The following CBFA2T3 variants were observed in gnomAD, a reference collection of about 807,000 sequenced individuals.
CBFA2T3 encodes the protein CBFA2/RUNX1 partner transcriptional co-repressor 3.
A neutral mutation model predicts 58.6 loss-of-function variants in CBFA2T3; 31 were observed. The observed-to-expected ratio is 0.53, with a 90% CI of 0.40 to 0.71. The LOEUF is 0.71. Ranked by LOEUF, CBFA2T3 falls within the 30% of genes least tolerant of loss-of-function variation. CBFA2T3 has a pLI of 0.00. For missense variants in CBFA2T3, 1,076 were observed against 963.1 expected, an observed-to-expected ratio of 1.12 and a Z score of -1.55; for synonymous variants, 531 against 421.9, an observed-to-expected ratio of 1.26 and a Z score of -3.17.
intron 1 of CBFA2T3, among the ~76,000 whole-genome samples, chr16:88,904,125 C>T (rs772295503): frequency 2.0e-5 from 3 of 152,246 alleles, no homozygotes; most frequent in Non-Finnish European, 2.9e-5. Flanking sequence ...CCACCACCTG[C>T]GTGCTCGTGA....
At chr16:88,976,184 G>A (rs1041928788) in intron 1 of CBFA2T3, among the ~76,000 whole-genome samples, 3 of 152,208 alleles carry the variant, frequency 2.0e-5, no homozygotes, top group African/African-American at 4.8e-5. Context: ...AGGGGCCCAG[G>A]GTTGGGTCCA....
intron 1 of CBFA2T3, among the ~76,000 whole-genome samples, chr16:88,968,621 C>CAGA (rs1972573969): frequency 1.3e-5 from 2 of 152,332 alleles, no homozygotes; most frequent in African/African-American, 4.8e-5. Context: ...GTTGGAGGGG[C>CAGA]AGAAGCAGCT....
chr16:88,940,596 C>CGGGCAGGAGGGAGAG (rs1971684407), intron 1 of CBFA2T3, among the ~76,000 whole-genome samples: 1 of 152,172 alleles, frequency 6.6e-6, no homozygotes, highest in Non-Finnish European at 1.5e-5. Context: ...GCCGGGGACC[C>CGGGCAGGAGGGAGAG]GGGCAGGAGG....
chr16:88,935,132 G>T (rs1971455390), intron 1 of CBFA2T3, among the ~76,000 whole-genome samples: 1 of 152,206 alleles, frequency 6.6e-6, no homozygotes, highest in African/African-American at 2.4e-5. Context: ...AGCACCCAAG[G>T]CCCCTGTTCT....
chr16:88,930,331 C>T (rs1340588556), intron 1 of CBFA2T3, among the ~76,000 whole-genome samples: 1 of 150,548 alleles, frequency 6.6e-6, no homozygotes, highest in South Asian at 2.1e-4. Flanking sequence ...GCTACCAATA[C>T]CCACAGCTGC....
chr16:88,927,522 C>G (rs915288588), intron 1 of CBFA2T3, among the ~76,000 whole-genome samples: 1 of 152,220 alleles, frequency 6.6e-6, no homozygotes, highest in Non-Finnish European at 1.5e-5. Context: ...TTCATGAGGT[C>G]AGAGCTGGGC....
In CBFA2T3 at chr16:88,927,319, C is replaced by T. The variant is rs867146739; in HGVS notation, c.152-25663G>A. On this transcript the variant is annotated intron_variant, in intron 1 of 11. Transcript: ENST00000268679. ...CTTCCCCAGGCAGCACTGATGCCCCCGCTGAGGTGAGGCCGCTGGGCCCCA... is the reference window on the plus strand; with the variant it reads ...CTTCCCCAGGCAGCACTGATGCCCCTGCTGAGGTGAGGCCGCTGGGCCCCA... Among the ~76,000 whole-genome samples the T allele has an allele frequency of 1.1e-4, 16 of 152,348 alleles. No individual in the cohort carries two copies. In the East Asian group the frequency reaches 1.7e-3, roughly 17 times the overall value.
intron 1 of CBFA2T3, among the ~76,000 whole-genome samples, chr16:88,945,245 C>G (rs866803632): frequency 6.6e-6 from 1 of 152,192 alleles, no homozygotes; most frequent in East Asian, 1.9e-4. Context: ...ACTCAGCTCC[C>G]TACCTAGAAC....
intron 1 of CBFA2T3, among the ~76,000 whole-genome samples, chr16:88,934,242 C>G (rs377683980): frequency 6.8e-6 from 1 of 148,104 alleles, no homozygotes; most frequent in African/African-American, 2.6e-5. Flanking sequence ...TGCCCCTCGG[C>G]ACATGGAGGC....
At chr16:88,965,395 T>C (rs1225761572) in intron 1 of CBFA2T3, among the ~76,000 whole-genome samples, 1 of 152,262 alleles carries the variant, frequency 6.6e-6, no homozygotes, top group Non-Finnish European at 1.5e-5. Flanking sequence ...TGAGACTGTT[T>C]AATCAATGTT....
chr16:88,958,297 T>A lies in CBFA2T3; in HGVS notation c.151+18360A>T, dbSNP rs1245151020. On this transcript the variant is annotated intron_variant, in intron 1 of 11. Transcript: ENST00000268679. The surrounding 1 kb of genome is among the most constrained non-coding windows in gnomAD (Gnocchi z 4.0). ...AGCTTTGAGCTTCCTCAAAAAGCTA[T>A]TTTGAGCCTAAAATAGCTTCAAGAG... is the stretch of plus-strand genomic sequence containing the variant. Among the ~76,000 whole-genome samples, 1 of 151,620 alleles carries A rather than the reference T, an allele frequency of 6.6e-6. No individual in the cohort carries two copies. Among genetic ancestry groups the A allele is most frequent in the African/African-American group, 2.4e-5 (1 of 41,316 alleles).
chr16:88,921,614 G>T (rs1385121926), intron 1 of CBFA2T3, among the ~76,000 whole-genome samples: 7 of 150,580 alleles, frequency 4.6e-5, no homozygotes, highest in Admixed American at 3.3e-4. Flanking sequence ...GAGGGGGGGC[G>T]GTTGGGGGGA....
At chr16:88,897,186 G>C (rs1969919786) in intron 3 of CBFA2T3, among the ~76,000 whole-genome samples, 3 of 152,260 alleles carry the variant, frequency 2.0e-5, no homozygotes, top group South Asian at 4.1e-4. Context: ...AGATCACAGA[G>C]TGGATGACAA....
rs1183522344 is a variant in CBFA2T3 at position 88,958,780 on chromosome 16, C to T, written c.151+17877G>A. On this transcript the variant is annotated intron_variant, in intron 1 of 11. Coordinates refer to ENST00000268679, the MANE Select transcript of CBFA2T3 (RefSeq NM_005187.6). This position sits in a 1 kb window ranked among gnomAD's most constrained non-coding sequence, Gnocchi z 4.0. ...AGGGCCTCAGCGTAGCCCAGGTCTG[C>T]GCTGGCTCTGGGCTCTTCCCGCTGC... Among the ~76,000 whole-genome samples the T allele has an allele frequency of 3.3e-5, 5 of 152,184 alleles. No individual in the cohort carries two copies. The highest frequency in any genetic ancestry group is 3.9e-4 in the East Asian group (2 of 5,162).
intron 1 of CBFA2T3, among the ~76,000 whole-genome samples, chr16:88,911,766 T>A (rs2142702232): frequency 6.6e-6 from 1 of 152,364 alleles, no homozygotes; most frequent in Admixed American, 6.5e-5. Flanking sequence ...GTGGAGCTGG[T>A]GCAGGTGGGG....
At chr16:88,925,994 T>C (rs1013436352) in intron 1 of CBFA2T3, among the ~76,000 whole-genome samples, 2 of 152,206 alleles carry the variant, frequency 1.3e-5, no homozygotes, top group African/African-American at 4.8e-5. Flanking sequence ...AGCCTCGAAC[T>C]GGCACCATCT....
rs940264821 is a variant in CBFA2T3 at position 88,906,443 on chromosome 16, C to A, written c.152-4787G>T. Among the ~76,000 whole-genome samples the A allele has an allele frequency of 6.6e-5, 10 of 150,560 alleles. No individual in the cohort carries two copies. In the East Asian group the frequency reaches 1.9e-3, roughly 29 times the overall value. Reference sequence around the variant, plus strand: ...TTGCTGACCCTGCTCCCCGCTCCAGCCGCAAGACGGCCCCGTCCAGACACA... The same window carrying A: ...TTGCTGACCCTGCTCCCCGCTCCAGACGCAAGACGGCCCCGTCCAGACACA... On this transcript the variant is annotated intron_variant, in intron 1 of 11. Transcript: ENST00000268679.
chr16:88,949,256 C>A lies in CBFA2T3; in HGVS notation c.151+27401G>T, dbSNP rs377428720. On this transcript the variant is annotated intron_variant, in intron 1 of 11. Coordinates refer to ENST00000268679, the MANE Select transcript of CBFA2T3 (RefSeq NM_005187.6). ...CATGTCCTGAAAGAGACAGGGGACC[C>A]CGATAAGAGATGGGTTGGGAGGCCG... 5.3e-4 allele frequency among the ~76,000 whole-genome samples: 80 copies of A among 152,270 alleles called. No individual in the cohort carries two copies. The East Asian group carries it at 0.013, about 24-fold the overall frequency.
In CBFA2T3 at chr16:88,901,650, A is replaced by G; in HGVS notation, c.158T>C (p.Val53Ala). The G allele has an allele frequency of 1.3e-6, 2 of 1,528,578 alleles. No individual in the cohort carries two copies. Among genetic ancestry groups the G allele is most frequent in the Non-Finnish European group, 8.7e-7 (1 of 1,149,754 alleles). 94.7% of individuals were successfully genotyped at this position (1,528,578 alleles called of 1,614,324 possible). ...RGPRKGGPAP[V>A]DRKAKASAMP... ...CGCTGAGGCCTTAGCTTTCCTGTCCACTGGGGCTGCGACCAACGGAGAAAG... is the reference window on the plus strand; with the variant it reads ...CGCTGAGGCCTTAGCTTTCCTGTCCGCTGGGGCTGCGACCAACGGAGAAAG... Residue 53 changes from valine to alanine, a missense_variant, in exon 2 of 12, where the codon GTG becomes GCG. Physicochemically the swap from Val to Ala is moderately conservative, Grantham distance 64 (BLOSUM62 0). Coordinates refer to ENST00000268679, the MANE Select transcript of CBFA2T3 (RefSeq NM_005187.6).
Sources: allele counts gnomAD v4.1 joint callset (sites outside exome capture counted in the v4.1 genomes callset), GRCh38; gene constraint gnomAD v4.1.1; non-coding constraint Gnocchi (gnomAD v3.1); transcripts MANE v1.5; gene names NCBI Gene and HGNC (gene_info 2026-07-23, HGNC 2026-07-21).